Variants in ME3 observed in about 807,000 individuals in gnomAD.
The protein encoded by ME3 is malic enzyme 3.
A neutral mutation model predicts 68.9 loss-of-function variants in ME3; 48 were observed. The ratio of observed to expected loss-of-function variants is 0.70; its 90% confidence interval spans 0.55 to 0.89. ME3 has a LOEUF of 0.89. Ranked by LOEUF, ME3 falls within the 40% of genes least tolerant of loss-of-function variation. The pLI, the probability that ME3 is intolerant of heterozygous loss-of-function variation, is 0.00. For synonymous variants in ME3, 320 were observed against 318.8 expected (o/e 1.00, Z -0.04); for missense variants, 675 against 797.4 (o/e 0.85, Z 1.85).
At chr11:86,668,102 T>C (rs905233817) in intron 2 of ME3, 3 of 152,124 alleles carry the variant, frequency 2.0e-5, no homozygotes, top group Non-Finnish European at 4.4e-5. Flanking sequence ...ATCAGGAATA[T>C]GCCTAAATCA....
chr11:86,489,395 G>A (rs967117866), intron 6 of ME3, among the ~76,000 whole-genome samples: 2 of 152,188 alleles, frequency 1.3e-5, no homozygotes, highest in African/African-American at 4.8e-5. Context: ...AGAGCTTGGT[G>A]AATTATAACA....
At chr11:86,504,862 T>C (rs1952965427) in intron 5 of ME3, among the ~76,000 whole-genome samples, 1 of 151,840 alleles carries the variant, frequency 6.6e-6, no homozygotes, top group South Asian at 2.1e-4. Flanking sequence ...AGCTCATTTT[T>C]ATATTTTTAG....
rs370595529 is a variant in ME3, at chr11:86,522,544, C to T, written c.468-13677G>A. 6.3e-4 allele frequency among the ~76,000 whole-genome samples: 95 copies of T among 151,894 alleles called. 2 individuals are homozygous for T. The highest frequency in any genetic ancestry group is 1.1e-3 in the Non-Finnish European group (72 of 67,956). ...TTACCCCGCCCCCTCCTTGACCCGC[C>T]GACAGGCCCCAGTGTATGTTATTCC... On this transcript the variant is annotated intron_variant, in intron 4 of 14. Coordinates refer to ENST00000543262, the Ensembl canonical transcript of ME3.
intron 2 of ME3, among the ~76,000 whole-genome samples, chr11:86,618,119 C>A (rs929349356): frequency 1.3e-5 from 2 of 151,632 alleles, no homozygotes; most frequent in African/African-American, 4.8e-5. Context: ...GGCAACATAG[C>A]AAAACCCCAT....
intron 2 of ME3, among the ~76,000 whole-genome samples, chr11:86,647,589 A>G (rs1410121344): frequency 6.6e-6 from 1 of 152,180 alleles, no homozygotes; most frequent in Non-Finnish European, 1.5e-5. Flanking sequence ...AACAAAAAAA[A>G]AGCAGGGGTT....
At chr11:86,441,224 A>C in exon 15 of ME3, 8 of 1,409,182 alleles carry the variant, frequency 5.7e-6, no homozygotes, top group Non-Finnish European at 6.6e-6. Context: ...ACCCATTTAT[A>C]TTGTGGGTGT....
chr11:86,556,713 G>T lies in ME3; in HGVS notation c.318-11C>A. 1 of 1,613,414 alleles carries T rather than the reference G, an allele frequency of 6.2e-7. No homozygotes were observed. Among genetic ancestry groups the T allele is most frequent in the Non-Finnish European group, 8.5e-7 (1 of 1,179,532 alleles). ...ATGAGAATGATGTACCTTGTAAAAG[G>T]AGAGAAAAAGCAAGCTGACATGTGG... On this transcript the variant is annotated splice_polypyrimidine_tract_variant and intron_variant, in intron 3 of 14. Transcript: ENST00000543262.
chr11:86,633,031 G>C (rs1001351919), intron 2 of ME3, among the ~76,000 whole-genome samples: 1 of 152,196 alleles, frequency 6.6e-6, no homozygotes, highest in African/African-American at 2.4e-5. Flanking sequence ...AGGATGTTGA[G>C]GGTTCCCACA....
chr11:86,670,834 A>C (rs1946884217), intron 2 of ME3, among the ~76,000 whole-genome samples: 2 of 152,212 alleles, frequency 1.3e-5, no homozygotes, highest in Admixed American at 1.3e-4. Context: ...AAGTTCAGTG[A>C]TTCATTTTAT....
chr11:86,466,290 A>G (rs1393357189), intron 7 of ME3, among the ~76,000 whole-genome samples: 1 of 152,130 alleles, frequency 6.6e-6, no homozygotes, highest in Non-Finnish European at 1.5e-5. Context: ...TGTAGTATGG[A>G]TTATTAAAAA....
At chr11:86,575,006 GC>G (rs1475660710) in intron 2 of ME3, among the ~76,000 whole-genome samples, 2 of 148,016 alleles carry the variant, frequency 1.4e-5, no homozygotes, top group East Asian at 1.9e-4. Context: ...CTGGGCAGGG[GC>G]CAACTTGTTC....
chr11:86,469,827 C>G (rs1950686062), intron 7 of ME3, among the ~76,000 whole-genome samples: 1 of 151,942 alleles, frequency 6.6e-6, no homozygotes, highest in South Asian at 2.1e-4. Flanking sequence ...AGACACAAGG[C>G]TAATGAGTGG....
intron 2 of ME3, among the ~76,000 whole-genome samples, chr11:86,612,615 C>T (rs531256081): frequency 1.3e-4 from 20 of 152,202 alleles, no homozygotes; most frequent in South Asian, 8.3e-4. Flanking sequence ...CTGACTGGTG[C>T]GAGATGGTAT....
chr11:86,533,006 C>T lies in ME3; in HGVS notation c.467+23547G>A, dbSNP rs374242717. ...GGCAGAGGTTGCAGTGAGCTGAGAT[C>T]GCATCATTGCACTCCAGCCTGGGTG... On this transcript the variant is annotated intron_variant, in intron 4 of 14. Transcript: ENST00000543262. Among the ~76,000 whole-genome samples the T allele has an allele frequency of 7.3e-5, 11 of 151,680 alleles. No homozygotes were observed. The East Asian group carries it at 1.7e-3, about 24-fold the overall frequency.
At chr11:86,667,395 TGA>T (rs1423062998) in intron 2 of ME3, among the ~76,000 whole-genome samples, 5 of 152,154 alleles carry the variant, frequency 3.3e-5, no homozygotes, top group African/African-American at 1.2e-4. Context: ...TCTGGGAAGA[TGA>T]GAGTCAAGCA....
chr11:86,604,815 G>T (rs1961372832), intron 2 of ME3, among the ~76,000 whole-genome samples: 1 of 152,108 alleles, frequency 6.6e-6, no homozygotes, highest in Non-Finnish European at 1.5e-5. Context: ...AAAATTATTA[G>T]TTACAGTAAG....
In ME3 at chr11:86,474,555, C is replaced by T. The variant is rs116874707; in HGVS notation, c.810-9355G>A. Among the ~76,000 whole-genome samples the T allele has an allele frequency of 3.2e-3, 485 of 152,298 alleles. 8 individuals carry two copies. The highest frequency in any genetic ancestry group is 0.024 in the Admixed American group (368 of 15,296). Reference sequence around the variant, plus strand: ...CTCCTGCTTATAAAGCTTTCTTGGCCACCAACCCACTGGCTGGCTTGGGGG... The same window carrying T: ...CTCCTGCTTATAAAGCTTTCTTGGCTACCAACCCACTGGCTGGCTTGGGGG... On this transcript the variant is annotated intron_variant, in intron 7 of 14. Transcript: ENST00000543262.
At chr11:86,663,971 A>G (rs569360136) in intron 2 of ME3, among the ~76,000 whole-genome samples, 5 of 152,344 alleles carry the variant, frequency 3.3e-5, no homozygotes, top group African/African-American at 1.2e-4. Flanking sequence ...GCTGTTTACA[A>G]CTGCTTTTAG....
At chr11:86,557,481 A>C (rs1956991094) in intron 3 of ME3, among the ~76,000 whole-genome samples, 2 of 152,148 alleles carry the variant, frequency 1.3e-5, no homozygotes, top group African/African-American at 4.8e-5. Flanking sequence ...GGATGGGAGA[A>C]ATTTTCTAAC....
Sources: gnomAD v4.1 joint callset for allele counts (sites outside exome capture counted in the v4.1 genomes callset) on GRCh38, gnomAD v4.1.1 for gene constraint, MANE v1.5 for transcripts, NCBI Gene and HGNC (gene_info 2026-07-23, HGNC 2026-07-21) for gene names.